The following ASIC2 variants were observed in gnomAD, a reference collection of about 807,000 sequenced individuals.
ASIC2 encodes the protein acid sensing ion channel subunit 2, also known as acid-sensing ion channel 2.
A neutral mutation model predicts 57.3 loss-of-function variants in ASIC2; 25 were observed. The ratio of observed to expected loss-of-function variants is 0.44; its 90% CI spans 0.32 to 0.61. ASIC2 has a LOEUF of 0.61. Ranked by LOEUF, ASIC2 falls within the 20% of genes least tolerant of loss-of-function variation. The pLI is 0.06. For missense variants in ASIC2, 641 were observed against 738.1 expected, an observed-to-expected ratio of 0.87 and a Z score of 1.52; for synonymous variants, 319 against 307.5, an observed-to-expected ratio of 1.04 and a Z score of -0.39.
chr17:33,338,057 G>A (rs1354449209), intron 1 of ASIC2, among the ~76,000 whole-genome samples: 4 of 152,132 alleles, frequency 2.6e-5, no homozygotes, highest in Non-Finnish European at 5.9e-5. Context: ...GGATGGAGAT[G>A]TTCCTTCTGA....
At chr17:34,095,079 T>G (rs529987831) in intron 1 of ASIC2, among the ~76,000 whole-genome samples, 1 of 152,338 alleles carries the variant, frequency 6.6e-6, no homozygotes, top group East Asian at 1.9e-4. Context: ...AGTTTCTCCA[T>G]ATATAAAATG....
chr17:33,611,105 T>C (rs1567668778), intron 1 of ASIC2, among the ~76,000 whole-genome samples: 1 of 152,190 alleles, frequency 6.6e-6, no homozygotes, highest in Non-Finnish European at 1.5e-5. Context: ...AGAAAGCTTC[T>C]TAGACCTCTG....
chr17:33,731,392 G>A (rs748977440), intron 1 of ASIC2, among the ~76,000 whole-genome samples: 1 of 152,160 alleles, frequency 6.6e-6, no homozygotes, highest in Non-Finnish European at 1.5e-5. Context: ...GGAGGGAGAC[G>A]TGAGTAGCAG....
chr17:34,146,261 T>A (rs1025778477), intron 1 of ASIC2, among the ~76,000 whole-genome samples: 3 of 152,204 alleles, frequency 2.0e-5, no homozygotes, highest in Admixed American at 1.3e-4. Flanking sequence ...GTCCCAGGTT[T>A]AAAAGATTTT....
intron 1 of ASIC2, among the ~76,000 whole-genome samples, chr17:33,244,855 GT>G (rs1255495629): frequency 6.6e-6 from 1 of 152,214 alleles, no homozygotes; most frequent in African/African-American, 2.4e-5. Flanking sequence ...TTAAAACAAG[GT>G]GGCACATGTT....
intron 1 of ASIC2, among the ~76,000 whole-genome samples, chr17:33,990,313 A>G (rs1346608637): frequency 6.6e-6 from 1 of 152,228 alleles, no homozygotes; most frequent in Non-Finnish European, 1.5e-5. Context: ...AGATTGAGGC[A>G]TAGAAAATTG....
At chr17:33,017,458 C>T (rs144020719) in intron 8 of ASIC2, 147 bp downstream of exon 8, 56 of 657,534 alleles carry the variant, frequency 8.5e-5, no homozygotes, top group East Asian at 7.7e-4. Flanking sequence ...GCCTGGGCTT[C>T]AGTGATCGAC....
chr17:33,242,648 G>T lies in ASIC2; in HGVS notation c.708+48760C>A, dbSNP rs79769668. 0.01 allele frequency among the ~76,000 whole-genome samples: 1,597 copies of T among 152,290 alleles called. 56 individuals carry two copies. In the East Asian group the frequency reaches 0.12, roughly 12 times the overall value. Reference sequence around the variant, plus strand: ...AGAGCCTTAAGCCCTTGACATTCATGAGAGTAATCCCGAGACGTCCGGGAG... The same window carrying T: ...AGAGCCTTAAGCCCTTGACATTCATTAGAGTAATCCCGAGACGTCCGGGAG... On this transcript the variant is annotated intron_variant, in intron 1 of 9. Transcript: ENST00000225823.
At chr17:33,888,479 T>C (rs1331003592) in intron 1 of ASIC2, among the ~76,000 whole-genome samples, 3 of 152,068 alleles carry the variant, frequency 2.0e-5, no homozygotes, top group Admixed American at 6.6e-5. Context: ...GTACCCCAAT[T>C]TGGCTCCAAG....
intron 1 of ASIC2, among the ~76,000 whole-genome samples, chr17:34,095,185 T>A (rs776863559): frequency 6.6e-5 from 10 of 152,018 alleles, no homozygotes; most frequent in Non-Finnish European, 1.5e-4. Context: ...AATCAAACCC[T>A]GGGAGACCAT....
intron 1 of ASIC2, among the ~76,000 whole-genome samples, chr17:33,442,443 A>G (rs987382575): frequency 2.6e-5 from 4 of 152,088 alleles, no homozygotes; most frequent in African/African-American, 4.8e-5. Context: ...TATCTCAGCA[A>G]TGTTTTATAG....
At chr17:33,968,120 A>G (rs1445962855) in intron 1 of ASIC2, among the ~76,000 whole-genome samples, 1 of 152,182 alleles carries the variant, frequency 6.6e-6, no homozygotes, top group East Asian at 1.9e-4. Context: ...ACTGTGTGCC[A>G]TCTACTGTGC....
At chr17:33,358,512 T>C (rs55733731) in intron 1 of ASIC2, among the ~76,000 whole-genome samples, 1 of 151,944 alleles carries the variant, frequency 6.6e-6, no homozygotes, top group African/African-American at 2.4e-5. Context: ...GGACATTTAT[T>C]GGATGCTCTC....
intron 1 of ASIC2, among the ~76,000 whole-genome samples, chr17:33,994,315 G>A (rs1363054569): frequency 6.6e-6 from 1 of 152,220 alleles, no homozygotes; most frequent in Non-Finnish European, 1.5e-5. Context: ...AGGATGCAAA[G>A]AATGTTCTTT....
intron 3 of ASIC2, among the ~76,000 whole-genome samples, chr17:33,045,853 G>T (rs1310538375): frequency 6.6e-6 from 1 of 152,108 alleles, no homozygotes; most frequent in East Asian, 1.9e-4. Flanking sequence ...GAAAATTCCT[G>T]AGTCCAACTT....
intron 1 of ASIC2, among the ~76,000 whole-genome samples, chr17:33,590,551 C>T (rs548473027): frequency 1.3e-5 from 2 of 152,140 alleles, no homozygotes; most frequent in African/African-American, 4.8e-5. Flanking sequence ...CCAATCTCTA[C>T]ACCACACCCC....
upstream of ASIC2, among the ~76,000 whole-genome samples, chr17:33,294,036 T>C (rs989974524): frequency 6.6e-6 from 1 of 152,102 alleles, no homozygotes; most frequent in African/African-American, 2.4e-5. Context: ...CCCATGTGTG[T>C]CCCAGCCCCT....
intron 5 of ASIC2, 61 bp from the exon 6 acceptor site, chr17:33,024,075 A>G (rs2141899480): frequency 1.3e-6 from 2 of 1,599,252 alleles, no homozygotes; most frequent in South Asian, 1.1e-5. Flanking sequence ...CTAAGGGTCC[A>G]GAGTAGCTGG....
At chr17:33,764,404 A>T (rs1910874106) in intron 1 of ASIC2, among the ~76,000 whole-genome samples, 2 of 152,116 alleles carry the variant, frequency 1.3e-5, no homozygotes, top group African/African-American at 2.4e-5. Context: ...TGGGTGTGTT[A>T]GTCTATATTC....
Sources: allele counts gnomAD v4.1 joint callset (sites outside exome capture counted in the v4.1 genomes callset), GRCh38; gene constraint gnomAD v4.1.1; transcripts MANE v1.5; gene names NCBI Gene and HGNC (gene_info 2026-07-23, HGNC 2026-07-21).